The following ATP5MF variants were observed in gnomAD, a reference collection of about 807,000 sequenced individuals.
The protein encoded by ATP5MF is ATP synthase F(0) complex subunit f, mitochondrial.
Under a neutral mutation model 13.8 loss-of-function variants are expected in ATP5MF, and 10 were observed. That is an observed-to-expected ratio of 0.72 (90% CI 0.45 to 1.23). ATP5MF has a LOEUF of 1.23. ATP5MF is among the 50% of genes most tolerant of loss of function. The pLI is 0.00. For synonymous variants in ATP5MF, 40 were observed against 45.8 expected (o/e 0.87, Z 0.51); for missense variants, 122 against 118.2 (o/e 1.03, Z -0.15).
intron 3 of ATP5MF, chr7:99,458,909 CTT>C (rs1427569196): frequency 3.9e-6 from 2 of 516,358 alleles, no homozygotes; most frequent in Non-Finnish European, 7.0e-6. Context: ...TAAGTACTCT[CTT>C]TACCCTGGCT....
chr7:99,460,042 C>G (rs746275800), intron 2 of ATP5MF, 44 bp downstream of exon 2: 1 of 1,566,150 alleles, frequency 6.4e-7, no homozygotes, highest in African/African-American at 1.4e-5. Flanking sequence ...GATCTGAAGA[C>G]CCAGAGATTT....
chr7:99,462,288 TA>T (rs755455949), intron 1 of ATP5MF, among the ~76,000 whole-genome samples: 3,026 of 30,760 alleles, frequency 0.098, 79 homozygotes, highest in East Asian at 0.26. Context: ...CCATCACTAC[TA>T]AAAAAAAAAA....
chr7:99,462,744 G>A (rs978497939), intron 1 of ATP5MF, among the ~76,000 whole-genome samples: 6 of 152,172 alleles, frequency 3.9e-5, no homozygotes, highest in Non-Finnish European at 7.3e-5. Context: ...CACTGCAAGG[G>A]ACTATCCAGT....
At chr7:99,465,348 C>G (rs772720496) in intron 1 of ATP5MF, among the ~76,000 whole-genome samples, 8 of 152,184 alleles carry the variant, frequency 5.3e-5, no homozygotes, top group Non-Finnish European at 8.8e-5. Flanking sequence ...TGTGTGACCT[C>G]AGAGAGGCCA....
At chr7:99,462,473 C>T (rs1361124628) in intron 1 of ATP5MF, among the ~76,000 whole-genome samples, 1 of 143,116 alleles carries the variant, frequency 7.0e-6, no homozygotes, top group Non-Finnish European at 1.5e-5. Context: ...GTGTCAAAAA[C>T]AAACAAAAAC....
At chr7:99,460,039 A>G in intron 2 of ATP5MF, 47 bp downstream of exon 2, 7 of 1,562,064 alleles carry the variant, frequency 4.5e-6, no homozygotes, top group Non-Finnish European at 6.0e-6. Context: ...AGAGATCTGA[A>G]GACCCAGAGA....
At chr7:99,458,377 GGTAA>G in intron 3 of ATP5MF, 22 bp from the exon 4 acceptor site, 1 of 1,601,540 alleles carries the variant, frequency 6.2e-7, no homozygotes, top group Non-Finnish European at 8.5e-7. Flanking sequence ...AAGGCAAGAT[GGTAA>G]GTATCTTAAA....
chr7:99,458,492 GTC>G (rs1268057484), intron 3 of ATP5MF, 137 bp from the exon 4 acceptor site: 9 of 871,956 alleles, frequency 1.0e-5, no homozygotes, highest in African/African-American at 3.5e-5. Flanking sequence ...GCCTGCCGGT[GTC>G]TCTGCAGAAT....
intron 2 of ATP5MF, 70 bp from the exon 3 acceptor site, chr7:99,459,333 G>T: frequency 8.5e-7 from 1 of 1,181,006 alleles, no homozygotes. Flanking sequence ...ACACAGTTGA[G>T]TCTGGCTGAC....
intron 1 of ATP5MF, 31 bp downstream of exon 1, chr7:99,466,080 T>C (rs774734138): frequency 5.0e-6 from 8 of 1,613,960 alleles, no homozygotes; most frequent in Non-Finnish European, 5.1e-6. Context: ...CCCTGGCTCC[T>C]GCTTCCACCA....
At chr7:99,464,422 G>A (rs1265783990) in intron 1 of ATP5MF, among the ~76,000 whole-genome samples, 2 of 152,232 alleles carry the variant, frequency 1.3e-5, no homozygotes, top group Admixed American at 6.5e-5. Context: ...CCAGCACTTT[G>A]GGAGGCTGAG....
At chr7:99,458,463 CAG>C (rs1798431086) in intron 3 of ATP5MF, 108 bp from the exon 4 acceptor site, 1 of 1,196,852 alleles carries the variant, frequency 8.4e-7, no homozygotes, top group Non-Finnish European at 1.2e-6. Context: ...GAATTCCCTT[CAG>C]AGATGACCCA....
intron 3 of ATP5MF, among the ~76,000 whole-genome samples, chr7:99,458,659 G>A (rs1038627164): frequency 3.3e-5 from 5 of 152,132 alleles, no homozygotes; most frequent in African/African-American, 1.2e-4. Flanking sequence ...GCCACAGAAT[G>A]GGAGTGAGGT....
Position 99,463,396 on chromosome 7 carries a change from G to A in ATP5MF, c.31+2715C>T, listed in dbSNP as rs117506662. ...TGACCCAATGCAGTGGCTCACGCCA[G>A]TAATCCCAACACTTTGGCCGAGATG... On this transcript the variant is annotated intron_variant, in intron 1 of 3. Transcript: ENST00000292475. Among the ~76,000 whole-genome samples, 539 of 152,348 alleles carry A rather than the reference G, an allele frequency of 3.5e-3. 4 individuals carry two copies. The highest frequency in any genetic ancestry group is 5.8e-3 in the Non-Finnish European group (393 of 68,036).
At chr7:99,463,807 A>G (rs1325095992) in intron 1 of ATP5MF, among the ~76,000 whole-genome samples, 1 of 152,122 alleles carries the variant, frequency 6.6e-6, no homozygotes, top group African/African-American at 2.4e-5. Context: ...AAAATAAAAT[A>G]TAAAAACAAA....
chr7:99,465,996 G>A (rs1798856588), intron 1 of ATP5MF, 115 bp downstream of exon 1: 1 of 1,559,052 alleles, frequency 6.4e-7, no homozygotes, highest in Non-Finnish European at 8.7e-7. Flanking sequence ...AAGTGAGGTC[G>A]TGGCGAAGTG....
intron 1 of ATP5MF, 101 bp downstream of exon 1, chr7:99,466,002 AAGTGCCTG>A: frequency 1.3e-6 from 2 of 1,570,646 alleles, no homozygotes; most frequent in Non-Finnish European, 1.7e-6. Context: ...GGTCGTGGCG[AAGTGCCTG>A]AGCAAAGGGC....
intron 1 of ATP5MF, among the ~76,000 whole-genome samples, chr7:99,462,090 C>T (rs1045438330): frequency 6.6e-6 from 1 of 151,934 alleles, no homozygotes; most frequent in African/African-American, 2.4e-5. Context: ...AAAAAGGCAA[C>T]AATTTACAAC....
chr7:99,459,284 C>G (rs764449264), intron 2 of ATP5MF, 21 bp from the exon 3 acceptor site: 1 of 1,564,788 alleles, frequency 6.4e-7, no homozygotes, highest in South Asian at 1.1e-5. Flanking sequence ...AAGAGGCGCT[C>G]ACTGCCCTGC....
Sources: allele counts gnomAD v4.1 joint callset (sites outside exome capture counted in the v4.1 genomes callset), GRCh38; gene constraint gnomAD v4.1.1; transcripts MANE v1.5; gene names NCBI Gene and HGNC (gene_info 2026-07-23, HGNC 2026-07-21).